The following NCR1 variants were observed in gnomAD, a reference collection of about 807,000 sequenced individuals.
NCR1 encodes NK cell-activating receptor.
NCR1 carries 30 observed loss-of-function variants against 32.5 expected under a neutral mutation model. The observed-to-expected ratio is 0.92, with a 90% CI of 0.69 to 1.25. The LOEUF (loss-of-function observed/expected upper bound fraction) is 1.25. Ranked by LOEUF, NCR1 falls within the 50% of genes most tolerant of loss-of-function variation. The probability of loss-of-function intolerance (pLI) is 0.00; values close to 1 mark genes in which losing one functional copy is unlikely to be tolerated. For synonymous variants in NCR1, 169 were observed against 143.4 expected (o/e 1.18, Z -1.28); for missense variants, 369 against 380.7 (o/e 0.97, Z 0.26).
the NCR1 span, chr19:54,934,511 T>C: frequency 3.4e-5 from 55 of 1,614,022 alleles, no homozygotes; most frequent in African/African-American, 5.3e-5. This position sits in a 1 kb window ranked among gnomAD's most constrained non-coding sequence, Gnocchi z 6.7. Context: ...AGGAAGTGTT[T>C]TGGGCGTGTC....
At chr19:54,907,465 T>TAAAA (rs58941827) in intron 3 of NCR1, among the ~76,000 whole-genome samples, 5 of 130,362 alleles carry the variant, frequency 3.8e-5, no homozygotes, top group African/African-American at 1.5e-4. Flanking sequence ...GGTGGTTTTC[T>TAAAA]AAAAAAAAAA....
the NCR1 span, among the ~76,000 whole-genome samples, chr19:54,926,758 A>G: frequency 3.3e-5 from 5 of 151,638 alleles, no homozygotes; most frequent in Admixed American, 1.3e-4. Flanking sequence ...TCTACTAAAA[A>G]TACAAAAATT....
downstream of NCR1, among the ~76,000 whole-genome samples, chr19:54,913,931 G>A (rs1042300378): frequency 3.3e-5 from 5 of 152,020 alleles, no homozygotes; most frequent in African/African-American, 1.2e-4. Context: ...AGCCAGGTAT[G>A]GTGGCGTGTG....
chr19:54,930,118 A>G, the NCR1 span, among the ~76,000 whole-genome samples: 1 of 94,472 alleles, frequency 1.1e-5, no homozygotes, highest in African/African-American at 3.5e-5. Flanking sequence ...TCCGTCTCAA[A>G]AAAAAAAAAA....
chr19:54,925,850 A>C, the NCR1 span, among the ~76,000 whole-genome samples: 1 of 151,996 alleles, frequency 6.6e-6, no homozygotes, highest in Non-Finnish European at 1.5e-5. Flanking sequence ...AATACAAAAA[A>C]TTAGCCGGGC....
chr19:54,938,045 C>T, the NCR1 span: 2 of 1,612,198 alleles, frequency 1.2e-6, no homozygotes, highest in East Asian at 2.2e-5. Context: ...TCTACTTACT[C>T]CACTTTCTGC....
the NCR1 span, among the ~76,000 whole-genome samples, chr19:54,900,829 A>T: frequency 6.6e-6 from 1 of 152,108 alleles, no homozygotes; most frequent in African/African-American, 2.4e-5. Flanking sequence ...GCTGGTCGGC[A>T]TGGGGTTCTG....
the NCR1 span, chr19:54,934,564 T>A: frequency 1.2e-6 from 2 of 1,614,054 alleles, no homozygotes; most frequent in Non-Finnish European, 1.7e-6. This position sits in a 1 kb window ranked among gnomAD's most constrained non-coding sequence, Gnocchi z 6.7. Context: ...CAGGAGCACA[T>A]TGGCTGAGAG....
chr19:54,903,447 T>C (rs1015492822), upstream of NCR1, among the ~76,000 whole-genome samples: 4 of 120,202 alleles, frequency 3.3e-5, no homozygotes, highest in South Asian at 5.2e-4. Context: ...TACATGTATG[T>C]ATATACATAT....
the NCR1 span, among the ~76,000 whole-genome samples, chr19:54,924,506 C>T: frequency 2.2e-4 from 33 of 152,244 alleles, no homozygotes; most frequent in African/African-American, 7.7e-4. Context: ...CGCCTATAGT[C>T]CCAGCTACTC....
At chr19:54,926,446 A>C in the NCR1 span, among the ~76,000 whole-genome samples, 2 of 152,126 alleles carry the variant, frequency 1.3e-5, no homozygotes, top group Non-Finnish European at 2.9e-5. Context: ...ACACACTCCC[A>C]AAAAAACTCT....
At chr19:54,933,969 G>T in the NCR1 span, among the ~76,000 whole-genome samples, 1 of 152,198 alleles carries the variant, frequency 6.6e-6, no homozygotes, top group African/African-American at 2.4e-5. Flanking sequence ...TTGAGACGGA[G>T]TCTCGCTCTG....
downstream of NCR1, among the ~76,000 whole-genome samples, chr19:54,915,450 TAGC>T (rs1395042463): frequency 3.3e-5 from 5 of 151,998 alleles, no homozygotes; most frequent in African/African-American, 1.2e-4. Context: ...TTCCATTAAA[TAGC>T]AGCCTGGCCA....
At chr19:54,936,808 G>A in the NCR1 span, among the ~76,000 whole-genome samples, 2 of 152,228 alleles carry the variant, frequency 1.3e-5, no homozygotes, top group Admixed American at 6.5e-5. Flanking sequence ...CCAGGTATTC[G>A]GGAGGCTGAG....
At chr19:54,903,422 G>A (rs1477577462), upstream of NCR1, among the ~76,000 whole-genome samples, 1 of 141,092 alleles carries the variant, frequency 7.1e-6, no homozygotes, top group African/African-American at 2.6e-5. Flanking sequence ...ACGCATACAT[G>A]TATGTATACA....
downstream of NCR1, among the ~76,000 whole-genome samples, chr19:54,919,301 GC>G (rs1403745100): frequency 6.6e-6 from 1 of 152,208 alleles, no homozygotes; most frequent in Non-Finnish European, 1.5e-5. Flanking sequence ...CGAATGTCTG[GC>G]TGCGCTGTTA....
chr19:54,932,637 T>C, the NCR1 span, among the ~76,000 whole-genome samples: 1 of 152,090 alleles, frequency 6.6e-6, no homozygotes, highest in Non-Finnish European at 1.5e-5. Context: ...CTTTTACAAA[T>C]AAGGATTTTT....
the NCR1 span, among the ~76,000 whole-genome samples, chr19:54,935,100 G>A: frequency 6.6e-6 from 1 of 152,122 alleles, no homozygotes; most frequent in African/African-American, 2.4e-5. Context: ...GAGATCTAAT[G>A]TTGCCTCTGC....
the NCR1 span, chr19:54,930,468 AGAAAG>A: frequency 4.6e-6 from 7 of 1,510,282 alleles, no homozygotes; most frequent in Non-Finnish European, 6.4e-6. Flanking sequence ...TCTCAAAAAA[AGAAAG>A]AAAGAAGAAA....
Sources: allele counts gnomAD v4.1 joint callset (sites outside exome capture counted in the v4.1 genomes callset), GRCh38; gene constraint gnomAD v4.1.1; non-coding constraint Gnocchi (gnomAD v3.1); transcripts MANE v1.5; gene names NCBI Gene and HGNC (gene_info 2026-07-23, HGNC 2026-07-21).